The following CFAP47 variants were observed in gnomAD, a reference collection of about 807,000 sequenced individuals.
The protein encoded by CFAP47 is cilia- and flagella-associated protein 47.
A neutral mutation model predicts 148.1 loss-of-function variants in CFAP47; 29 were observed. The ratio of observed to expected loss-of-function variants is 0.20; its 90% CI spans 0.15 to 0.27. The LOEUF (loss-of-function observed/expected upper bound fraction) is 0.27. Among genes scored for constraint, CFAP47 ranks in the 10% least tolerant of loss-of-function variants. The pLI, the probability that CFAP47 is intolerant of heterozygous loss-of-function variation, is 1.00. For synonymous variants in CFAP47, 664 were observed against 577.3 expected (o/e 1.15, Z -2.15); for missense variants, 1,872 against 1,697.5 (o/e 1.10, Z -1.81).
At chrX:36,348,640 G>A (rs1488037843) in intron 58 of CFAP47, among the ~76,000 whole-genome samples, 1 of 110,759 alleles carries the variant, frequency 9.0e-6, no homozygotes, top group Non-Finnish European at 1.9e-5. Flanking sequence ...TAAATAATCA[G>A]TATACAGAGG....
At chrX:36,288,283 A>C (rs12009244) in intron 51 of CFAP47, among the ~76,000 whole-genome samples, 39,224 of 110,978 alleles carry the variant, frequency 0.35, 7,720 homozygotes, top group African/African-American at 0.76. Flanking sequence ...ATTCTCTGTT[A>C]GTATAAAGTA....
chrX:36,346,567 T>A, intron 57 of CFAP47, among the ~76,000 whole-genome samples: 1 of 111,700 alleles, frequency 9.0e-6, no homozygotes, highest in East Asian at 2.8e-4. Flanking sequence ...ATTTGGGGGC[T>A]CTAAGCAGAG....
In CFAP47 at chrX:35,966,669, G is replaced by T. The variant is rs766494113; in HGVS notation, c.1515G>T (p.Ser505=). ...LVAEEDLQSL[S]VKSFHHVYLA... ...CAGAAGAAGATTTGCAATCTTTGTC[G>T]GTAAAATCTTTCCATCACGTATATT... The change falls in exon 9 of 64, where the codon TCG becomes TCT. Residue 505 remains serine (S), a synonymous_variant. Coordinates refer to ENST00000378653, the MANE Select transcript of CFAP47 (RefSeq NM_001304548.2). 8.5e-7 allele frequency: 1 copy of T among 1,177,268 alleles called. No homozygotes were observed. Among genetic ancestry groups the T allele is most frequent in the East Asian group, 3.1e-5 (1 of 32,394 alleles).
chrX:36,371,750 A>G lies in CFAP47; in HGVS notation c.9185+4623A>G, dbSNP rs782577116. ...CACATGTGTGTATATATGTGTGTAT[A>G]TACACACATGTGTGTATATACACAC... On this transcript the variant is annotated intron_variant, in intron 62 of 63. Coordinates refer to ENST00000378653, the MANE Select transcript of CFAP47 (RefSeq NM_001304548.2). Among the ~76,000 whole-genome samples the G allele has an allele frequency of 4.1e-4, 23 of 55,978 alleles. 2 individuals are homozygous for G. The highest frequency in any genetic ancestry group is 2.3e-3 in the African/African-American group (22 of 9,590). The allele number at this position is 55,978 out of a possible 115,157, so 48.6% of individuals were successfully genotyped here.
At chrX:36,145,190 T>C in intron 35 of CFAP47, 29 bp from the exon 36 acceptor site, 1 of 301,137 alleles carries the variant, frequency 3.3e-6, no homozygotes, top group Admixed American at 5.7e-5. Flanking sequence ...ATGCATCCTC[T>C]AATTTCGATT....
chrX:36,046,719 T>C (rs1937471100), intron 25 of CFAP47, 135 bp from the exon 26 acceptor site: 1 of 430,423 alleles, frequency 2.3e-6, no homozygotes, highest in African/African-American at 2.5e-5. Flanking sequence ...AAAGATATCT[T>C]TAATAATTAG....
intron 8 of CFAP47, among the ~76,000 whole-genome samples, chrX:35,963,850 G>A (rs908596172): frequency 9.0e-6 from 1 of 111,073 alleles, no homozygotes. Flanking sequence ...AAAAACTTTT[G>A]CTCCAATAGA....
intron 33 of CFAP47, among the ~76,000 whole-genome samples, chrX:36,134,709 C>A (rs969452962): frequency 6.3e-5 from 7 of 110,854 alleles, no homozygotes. Context: ...TACATGTATA[C>A]ACATATCTAT....
At chrX:36,321,414 T>A (rs1235411934) in intron 57 of CFAP47, among the ~76,000 whole-genome samples, 1 of 111,380 alleles carries the variant, frequency 9.0e-6, no homozygotes, top group Non-Finnish European at 1.9e-5. Context: ...GAGGGCAGGT[T>A]GATGGGTACC....
At chrX:36,172,587 A>G (rs1239568368) in intron 39 of CFAP47, among the ~76,000 whole-genome samples, 1 of 110,601 alleles carries the variant, frequency 9.0e-6, no homozygotes, top group African/African-American at 3.3e-5. Context: ...TTCTGTTTAT[A>G]TGCTGGATTA....
intron 39 of CFAP47, among the ~76,000 whole-genome samples, chrX:36,164,832 T>A (rs1939470898): frequency 9.0e-6 from 1 of 111,720 alleles, no homozygotes; most frequent in Non-Finnish European, 1.9e-5. Context: ...TCTACCCTCT[T>A]ACATTTTGAA....
intron 46 of CFAP47, among the ~76,000 whole-genome samples, chrX:36,231,286 C>A (rs377294967): frequency 2.0e-4 from 19 of 95,028 alleles, no homozygotes; most frequent in African/African-American, 6.8e-4. Flanking sequence ...CTTTTATTTC[C>A]TTGAGCAGTG....
chrX:36,224,882 T>C (rs1303715405), intron 45 of CFAP47, among the ~76,000 whole-genome samples: 1 of 112,020 alleles, frequency 8.9e-6, no homozygotes, highest in Non-Finnish European at 1.9e-5. Flanking sequence ...ATGGTATTGA[T>C]TTTTTGTTCC....
At chrX:36,197,266 T>G (rs1939930110) in intron 42 of CFAP47, among the ~76,000 whole-genome samples, 1 of 111,847 alleles carries the variant, frequency 8.9e-6, no homozygotes, top group African/African-American at 3.2e-5. Flanking sequence ...TAATTTATAT[T>G]TGAGGAAAAT....
chrX:36,139,611 T>TA (rs1385276193), intron 35 of CFAP47, among the ~76,000 whole-genome samples: 2 of 111,551 alleles, frequency 1.8e-5, no homozygotes, highest in Non-Finnish European at 3.8e-5. Flanking sequence ...CTTATCATTT[T>TA]AATTAGGATT....
In CFAP47 at chrX:35,919,809, C is replaced by G. The variant is rs141633156; in HGVS notation, c.10C>G (p.Gln4Glu). ...TACCGAGAGGGCAGCCATGAACACC[C>G]AAAAGGGTTCCCTCACCATAAACGT... MNT[Q>E]KGSLTINVHR... Residue 4 changes from glutamine (Q) to glutamate (E), a missense_variant, in exon 1 of 64, where the codon CAA (glutamine) becomes GAA (glutamate). Transcript: ENST00000378653. 8.3e-7 allele frequency: 1 copy of G among 1,205,540 alleles called. No homozygotes were observed. The highest frequency in any genetic ancestry group is 2.2e-5 in the Admixed American group (1 of 45,528).
In CFAP47 at chrX:36,371,694, A is replaced by G. The variant is rs782218372; in HGVS notation, c.9185+4567A>G. 8.4e-5 allele frequency among the ~76,000 whole-genome samples: 6 copies of G among 71,151 alleles called. 1 individual carries two copies. Among genetic ancestry groups the G allele is most frequent in the African/African-American group, 3.8e-4 (6 of 15,606 alleles). 61.8% of individuals were successfully genotyped at this position (71,151 alleles called of 115,157 possible). On this transcript the variant is annotated intron_variant, in intron 62 of 63. Transcript: ENST00000378653. ...CACATGTGTATATATGTGTGTATAT[A>G]CACACATGTGTATATATGTGTGTAT...
At chrX:36,285,444 TG>T (rs1187600957) in intron 50 of CFAP47, among the ~76,000 whole-genome samples, 184 bp from the exon 51 acceptor site, 2 of 111,848 alleles carry the variant, frequency 1.8e-5, no homozygotes, top group African/African-American at 6.5e-5. Context: ...CATGCAAGGA[TG>T]GAGCTTCTCT....
At chrX:36,051,952 G>A (rs759315623) in intron 26 of CFAP47, among the ~76,000 whole-genome samples, 30 of 111,208 alleles carry the variant, frequency 2.7e-4, no homozygotes, top group Non-Finnish European at 4.7e-4. Context: ...TTTATGAAGG[G>A]CAGTTCTCTT....
Sources: allele counts gnomAD v4.1 joint callset (sites outside exome capture counted in the v4.1 genomes callset), GRCh38; gene constraint gnomAD v4.1.1; transcripts MANE v1.5; gene names NCBI Gene and HGNC (gene_info 2026-07-23, HGNC 2026-07-21).